The following TMIGD3 variants were observed in gnomAD, a reference collection of about 807,000 sequenced individuals.
TMIGD3 encodes the protein AD026 protein (AD026).
Under a neutral mutation model 28.1 loss-of-function variants are expected in TMIGD3, and 21 were observed. The ratio of observed to expected loss-of-function variants is 0.75; its 90% CI spans 0.53 to 1.08. The LOEUF (loss-of-function observed/expected upper bound fraction) is 1.08. Among genes scored for constraint, TMIGD3 ranks in the 50% least tolerant of loss-of-function variants. The pLI is 0.00. For missense variants in TMIGD3, 416 were observed against 435.6 expected (o/e 0.96, Z 0.40); for synonymous variants, 151 against 162.1 (o/e 0.93, Z 0.52).
chr1:111,486,665 G>A lies in TMIGD3; in HGVS notation c.806-13C>T. 1 of 1,613,390 alleles carries A rather than the reference G, an allele frequency of 6.2e-7. No individual in the cohort carries two copies. Among genetic ancestry groups the A allele is most frequent in the East Asian group, 2.2e-5 (1 of 44,868 alleles). On this transcript the variant is annotated splice_polypyrimidine_tract_variant and intron_variant, in intron 3 of 5. Transcript: ENST00000369716. Reference sequence around the variant, plus strand: ...TTGCCTGATAGGTCTGAATCAGAAAGGATTTGTTAAGTCAGGTGAGGCCCA... The same window carrying A: ...TTGCCTGATAGGTCTGAATCAGAAAAGATTTGTTAAGTCAGGTGAGGCCCA...
chr1:111,554,953 C>G (rs1657420032), intron 1 of TMIGD3, among the ~76,000 whole-genome samples: 1 of 151,762 alleles, frequency 6.6e-6, no homozygotes, highest in Admixed American at 6.6e-5. Context: ...GAAAAAGTGA[C>G]CTACCGAGAC....
Position 111,563,891 on chromosome 1 carries a change from T to TC in TMIGD3, c.61dup (p.Glu21GlyfsTer14). 1.9e-6 allele frequency: 3 copies of TC among 1,613,804 alleles called. No individual in the cohort carries two copies. Among genetic ancestry groups the TC allele is most frequent in the Non-Finnish European group, 2.5e-6 (3 of 1,179,982 alleles). On this transcript the variant is annotated frameshift_variant, in exon 1 of 6. Transcript: ENST00000369717. LOFTEE classifies it high-confidence loss of function. ...GCCCAGTGTCCAGTCTGGCTGCTCTTCCCAGGAGCTTTCCCACCTGGCCTC... is the reference window on the plus strand; with the variant it reads ...GCCCAGTGTCCAGTCTGGCTGCTCTTCCCCAGGAGCTTTCCCACCTGGCCTC...
intron 1 of TMIGD3, among the ~76,000 whole-genome samples, chr1:111,520,764 G>A (rs1459402622): frequency 6.6e-6 from 1 of 152,210 alleles, no homozygotes; most frequent in Non-Finnish European, 1.5e-5. Context: ...CATAGCAATG[G>A]TATTTTTGTT....
intron 1 of TMIGD3, among the ~76,000 whole-genome samples, chr1:111,555,571 C>T (rs1657456295): frequency 6.6e-6 from 1 of 151,724 alleles, no homozygotes; most frequent in South Asian, 2.1e-4. Context: ...GAAATGGAAA[C>T]TACAAAATAT....
intron 1 of TMIGD3, among the ~76,000 whole-genome samples, chr1:111,536,700 T>C (rs1656652367): frequency 6.6e-6 from 1 of 152,210 alleles, no homozygotes; most frequent in African/African-American, 2.4e-5. Flanking sequence ...TTCACCCCTT[T>C]TTTTGATACT....
chr1:111,509,041 G>C (rs1009762137), intron 1 of TMIGD3, among the ~76,000 whole-genome samples: 2 of 152,202 alleles, frequency 1.3e-5, no homozygotes, highest in African/African-American at 4.8e-5. Context: ...GTTGCAGTGA[G>C]GTGAGATCGC....
In TMIGD3 at chr1:111,488,867, G is replaced by T. The variant is rs770545601; in HGVS notation, c.615C>A (p.Ser205Arg). ...YCNIIAFSPN[S>R]TNHVALRDTG... ...TGTCCCTCAGGGCCACATGATTGGT[G>T]CTGTTAGGGGAGAAGGCGATGATGT... Residue 205 changes from serine to arginine, a missense_variant, in exon 3 of 6, where the codon AGC (serine) becomes AGA (arginine). Physicochemically the swap from Ser to Arg is moderately radical, Grantham distance 110. Transcript: ENST00000369716. The T allele has an allele frequency of 6.2e-7, 1 of 1,614,202 alleles. No homozygotes were observed. The highest frequency in any genetic ancestry group is 1.7e-5 in the Admixed American group (1 of 60,028).
intron 1 of TMIGD3, among the ~76,000 whole-genome samples, chr1:111,542,803 T>A (rs941686635): frequency 6.6e-6 from 1 of 152,110 alleles, no homozygotes; most frequent in Non-Finnish European, 1.5e-5. Flanking sequence ...TTCAAGTGAT[T>A]CTCCTGCCTC....
In TMIGD3 at chr1:111,503,465, G is replaced by A. The variant is rs1386719205; in HGVS notation, c.-111C>T. On this transcript the variant is annotated 5_prime_UTR_variant, in exon 1 of 6. Transcript: ENST00000369716. The stretch of plus-strand genomic sequence containing the variant: ...GTCTTCCCAGAGGTCCATGTGCAGT[G>A]ACAGTCTAAAATTCCCAACTTGCTC... 2.7e-6 allele frequency: 4 copies of A among 1,465,488 alleles called. No homozygotes were observed. Among genetic ancestry groups the A allele is most frequent in the Admixed American group, 5.1e-5 (2 of 38,866 alleles). 90.8% of individuals were successfully genotyped at this position (1,465,488 alleles called of 1,614,324 possible).
chr1:111,538,006 G>A (rs540309947), intron 1 of TMIGD3, among the ~76,000 whole-genome samples: 1 of 151,962 alleles, frequency 6.6e-6, no homozygotes, highest in Non-Finnish European at 1.5e-5. Context: ...TAAGCATTTA[G>A]GATATCATAC....
intron 1 of TMIGD3, among the ~76,000 whole-genome samples, chr1:111,497,923 T>C (rs1380473585): frequency 6.6e-6 from 1 of 152,188 alleles, no homozygotes; most frequent in African/African-American, 2.4e-5. Context: ...ACCAGGAGAC[T>C]GAGGGCAGCA....
intron 3 of TMIGD3, among the ~76,000 whole-genome samples, 174 bp downstream of exon 3, chr1:111,488,503 C>A (rs908890803): frequency 6.6e-6 from 1 of 152,170 alleles, no homozygotes; most frequent in Non-Finnish European, 1.5e-5. Flanking sequence ...CAGCTATTCC[C>A]CAGCACTGTT....
At position 111,557,364 on chromosome 1, in the gene TMIGD3, C is replaced by T. The variant is rs143748577; in HGVS notation, c.107+6482G>A. 1.4e-4 allele frequency among the ~76,000 whole-genome samples: 21 copies of T among 152,090 alleles called. No homozygotes were observed. The East Asian group carries it at 3.5e-3, about 25-fold the overall frequency. On this transcript the variant is annotated intron_variant, in intron 1 of 5. Transcript: ENST00000369717. ...GAGATCAAGACCATCCTGGCTAACA[C>T]GGTGAAACCCTGTCTCTACTAAAAA...
At chr1:111,507,784 A>G (rs1472869823), upstream of TMIGD3, among the ~76,000 whole-genome samples, 2 of 152,120 alleles carry the variant, frequency 1.3e-5, no homozygotes, top group Non-Finnish European at 2.9e-5. Flanking sequence ...AAAGCCTTAC[A>G]TTTTTATAGA....
At chr1:111,558,871 T>C (rs1453639115) in intron 1 of TMIGD3, among the ~76,000 whole-genome samples, 5 of 152,168 alleles carry the variant, frequency 3.3e-5, no homozygotes, top group African/African-American at 1.2e-4. Context: ...AGGGGATTAT[T>C]TAAACAACAC....
At chr1:111,509,659 G>A (rs147601559) in intron 1 of TMIGD3, among the ~76,000 whole-genome samples, 4 of 152,298 alleles carry the variant, frequency 2.6e-5, no homozygotes, top group African/African-American at 7.2e-5. Flanking sequence ...AAACCTTACC[G>A]CCACAGTGGG....
At chr1:111,515,763 G>A (rs912946630) in intron 1 of TMIGD3, among the ~76,000 whole-genome samples, 2 of 152,198 alleles carry the variant, frequency 1.3e-5, no homozygotes, top group African/African-American at 2.4e-5. Flanking sequence ...CTGGTGGAGG[G>A]GGCGGGACTG....
intron 5 of TMIGD3, 29 bp from the exon 6 acceptor site, chr1:111,483,786 G>A: frequency 6.3e-7 from 1 of 1,589,646 alleles, no homozygotes; most frequent in Non-Finnish European, 8.6e-7. Flanking sequence ...AGGGAAAATG[G>A]AGTTGAGATC....
rs959006988 is a variant in TMIGD3, at chr1:111,533,106, C to T, written c.107+30740G>A. Among the ~76,000 whole-genome samples the T allele has an allele frequency of 9.2e-5, 14 of 152,272 alleles. No homozygotes were observed. The South Asian group carries it at 1.9e-3, about 20-fold the overall frequency. ...GCCAAGCATGTTATGATTGGATCCA[C>T]GGGGCCCTCTGACTGTCCCCCAAAA... On this transcript the variant is annotated intron_variant, in intron 1 of 5. Transcript: ENST00000369717.
Sources: allele counts gnomAD v4.1 joint callset (sites outside exome capture counted in the v4.1 genomes callset), GRCh38; gene constraint gnomAD v4.1.1; transcripts MANE v1.5; gene names NCBI Gene and HGNC (gene_info 2026-07-23, HGNC 2026-07-21).